The following SCARA3 variants were observed in gnomAD, a reference collection of about 807,000 sequenced individuals.
SCARA3 encodes the protein scavenger receptor class A member 3.
Under a neutral mutation model 47.0 loss-of-function variants are expected in SCARA3, and 39 were observed. The observed-to-expected ratio is 0.83, with a 90% CI of 0.64 to 1.08. The LOEUF is 1.08. Among genes scored for constraint, SCARA3 ranks in the 50% least tolerant of loss-of-function variants. The probability of loss-of-function intolerance (pLI) is 0.00; values close to 1 mark genes in which losing one functional copy is unlikely to be tolerated. For missense variants in SCARA3, 724 were observed against 792.3 expected, an observed-to-expected ratio of 0.91 and a Z score of 1.04; for synonymous variants, 356 against 334.1, an observed-to-expected ratio of 1.07 and a Z score of -0.71.
rs1801367105 is a variant in SCARA3, at chr8:27,640,892, TCA to T, written c.7+6687_7+6688del. ...TTGTATTTTTTGTAGAGATGAGGTTTCACCCTGTTCCCCAGGCTGATCTCAAA... is the reference window on the plus strand; with the variant it reads ...TTGTATTTTTTGTAGAGATGAGGTTTCCCTGTTCCCCAGGCTGATCTCAAA... On this transcript the variant is annotated intron_variant, in intron 1 of 5. Transcript: ENST00000301904. 7.9e-5 allele frequency among the ~76,000 whole-genome samples: 12 copies of T among 152,330 alleles called. No individual in the cohort carries two copies. In the South Asian group the frequency reaches 2.5e-3, roughly 32 times the overall value.
At chr8:27,688,841 G>A in the SCARA3 span, among the ~76,000 whole-genome samples, 1 of 152,150 alleles carries the variant, frequency 6.6e-6, no homozygotes, top group Non-Finnish European at 1.5e-5. Flanking sequence ...GGGGCTTTTA[G>A]GGTTCTGACA....
intron 5 of SCARA3, among the ~76,000 whole-genome samples, chr8:27,668,546 CAAA>C (rs61162841): frequency 2.9e-5 from 2 of 69,826 alleles, no homozygotes; most frequent in African/African-American, 5.1e-5. Context: ...GACTCCGTCT[CAAA>C]AAAAAAAAAA....
At chr8:27,728,203 C>T in the SCARA3 span, among the ~76,000 whole-genome samples, 5 of 152,284 alleles carry the variant, frequency 3.3e-5, no homozygotes, top group Admixed American at 2.0e-4. Context: ...GAGACTTCAC[C>T]GACGAGGGCT....
At position 27,658,711 on chromosome 8, in the gene SCARA3, G is replaced by A; in HGVS notation, c.541G>A (p.Val181Ile). The A allele has an allele frequency of 6.2e-7, 1 of 1,614,124 alleles. No homozygotes were observed. Among genetic ancestry groups the A allele is most frequent in the South Asian group, 1.1e-5 (1 of 91,074 alleles). ...MGSCSFSIHQVNQSLGLFLAQ... is the reference protein window; with the variant it reads ...MGSCSFSIHQINQSLGLFLAQ... ...CAGTTGCTCCTTCTCCATCCACCAG[G>A]TTAACCAGTCTCTGGGGCTCTTCCT... The change falls in exon 5 of 6, where the codon GTT becomes ATT. Residue 181 changes from valine (V) to isoleucine (I), a missense_variant. By Grantham distance (29) the Val-to-Ile change is conservative. Coordinates refer to ENST00000301904, the MANE Select transcript of SCARA3 (RefSeq NM_016240.3).
In SCARA3 at chr8:27,671,628, A is replaced by C; in HGVS notation, c.*277A>C. 1.7e-6 allele frequency: 2 copies of C among 1,165,966 alleles called. No homozygotes were observed. Among genetic ancestry groups the C allele is most frequent in the South Asian group, 4.2e-5 (1 of 23,548 alleles). 72.2% of individuals were successfully genotyped at this position (1,165,966 alleles called of 1,614,324 possible). A position where few individuals can be genotyped will look rare whatever the true frequency, so the allele number is the denominator to read the frequency against. ...CATACACATGCATGCACACATACAC[A>C]GGCATACATGCATGCACACACACAT... On this transcript the variant is annotated 3_prime_UTR_variant, in exon 6 of 6. Transcript: ENST00000301904.
the SCARA3 span, chr8:27,701,320 G>A: frequency 6.6e-6 from 1 of 152,108 alleles, no homozygotes; most frequent in Non-Finnish European, 1.5e-5. Context: ...TTTCTGGGGT[G>A]CTATAAATAT....
chr8:27,644,905 T>C (rs1490021168), intron 1 of SCARA3, among the ~76,000 whole-genome samples: 3 of 152,130 alleles, frequency 2.0e-5, no homozygotes, highest in African/African-American at 7.2e-5. Context: ...AGCAATTAAC[T>C]GGGACAACAA....
intron 1 of SCARA3, among the ~76,000 whole-genome samples, chr8:27,647,614 T>C (rs1801533881): frequency 6.6e-6 from 1 of 152,178 alleles, no homozygotes; most frequent in African/African-American, 2.4e-5. Flanking sequence ...CCCTTGGAAC[T>C]GAAGCGCTGG....
Position 27,659,837 on chromosome 8 carries a change from A to C in SCARA3, c.1369+298A>C, listed in dbSNP as rs1585289098. 2.5e-5 allele frequency among the ~76,000 whole-genome samples: 3 copies of C among 118,256 alleles called. No homozygotes were observed. The South Asian group carries it at 1.1e-3, about 42-fold the overall frequency. The allele number at this position is 118,256 out of a possible 152,430, so 77.6% of individuals were successfully genotyped here. A position where few individuals can be genotyped will look rare whatever the true frequency, so the allele number is the denominator to read the frequency against. On this transcript the variant is annotated intron_variant, in intron 5 of 5. Transcript: ENST00000301904. ...TGCACTGCAGCCTGGGAGACAGAGT[A>C]AGTCCTTATCTAAAAAAAAAAAAAA...
the SCARA3 span, among the ~76,000 whole-genome samples, chr8:27,714,853 C>A: frequency 1.3e-5 from 2 of 152,146 alleles, no homozygotes; most frequent in South Asian, 2.1e-4. Context: ...TACATACAGG[C>A]TCTTTTGTAT....
At chr8:27,666,487 C>A (rs985131173) in intron 5 of SCARA3, among the ~76,000 whole-genome samples, 7 of 152,220 alleles carry the variant, frequency 4.6e-5, no homozygotes, top group African/African-American at 1.4e-4. Flanking sequence ...TTTTTAACAG[C>A]CCTCAGTTGG....
chr8:27,692,190 T>C, the SCARA3 span, among the ~76,000 whole-genome samples: 1 of 152,166 alleles, frequency 6.6e-6, no homozygotes, highest in Non-Finnish European at 1.5e-5. Flanking sequence ...CCCAGCACTT[T>C]GGGTGGATCA....
chr8:27,633,498 C>T (rs1039609230), upstream of SCARA3, among the ~76,000 whole-genome samples: 1 of 152,122 alleles, frequency 6.6e-6, no homozygotes, highest in East Asian at 1.9e-4. Flanking sequence ...ATAAGATGGG[C>T]GAGAAAAACG....
At chr8:27,635,621 A>ATTT (rs10591337) in intron 1 of SCARA3, among the ~76,000 whole-genome samples, 2 of 147,532 alleles carry the variant, frequency 1.4e-5, no homozygotes, top group African/African-American at 2.5e-5. Context: ...CCATGCATGG[A>ATTT]TTTTTTTTTT....
chr8:27,722,014 G>A, the SCARA3 span, among the ~76,000 whole-genome samples: 13 of 152,180 alleles, frequency 8.5e-5, no homozygotes, highest in Non-Finnish European at 1.6e-4. Context: ...GCTTGAGCCT[G>A]GGAGGTCAAG....
At chr8:27,707,697 A>G in the SCARA3 span, among the ~76,000 whole-genome samples, 2 of 152,004 alleles carry the variant, frequency 1.3e-5, no homozygotes, top group East Asian at 3.8e-4. Context: ...TAAAGAGTGC[A>G]TGTCACTGAA....
At chr8:27,680,113 G>T (rs1199304964), downstream of SCARA3, among the ~76,000 whole-genome samples, 1 of 151,868 alleles carries the variant, frequency 6.6e-6, no homozygotes, top group Non-Finnish European at 1.5e-5. Flanking sequence ...CTTTAAATGA[G>T]TATATAAGAA....
At chr8:27,664,156 C>A (rs1172642343) in intron 5 of SCARA3, among the ~76,000 whole-genome samples, 1 of 152,342 alleles carries the variant, frequency 6.6e-6, no homozygotes, top group East Asian at 1.9e-4. Flanking sequence ...TAACGGAAAT[C>A]TTCCCACAGT....
chr8:27,646,961 TG>T (rs1801506200), intron 1 of SCARA3, among the ~76,000 whole-genome samples: 1 of 30,154 alleles, frequency 3.3e-5, no homozygotes, highest in Non-Finnish European at 6.3e-5. Flanking sequence ...CCCGCACCCC[TG>T]ACCGCCCCCG....
Sources: allele counts gnomAD v4.1 joint callset (sites outside exome capture counted in the v4.1 genomes callset), GRCh38; gene constraint gnomAD v4.1.1; transcripts MANE v1.5; gene names NCBI Gene and HGNC (gene_info 2026-07-23, HGNC 2026-07-21).